Variants in MELK observed in about 807,000 individuals in gnomAD.
The protein encoded by MELK is maternal embryonic leucine zipper kinase, also known as pEg3 kinase.
A neutral mutation model predicts 85.0 loss-of-function variants in MELK; 81 were observed. The ratio of observed to expected loss-of-function variants is 0.95; its 90% CI spans 0.80 to 1.15. The LOEUF is 1.15. Among genes scored for constraint, MELK ranks in the 50% most tolerant of loss-of-function variants. The pLI is 0.00. For missense variants in MELK, 754 were observed against 777.5 expected (o/e 0.97, Z 0.36); for synonymous variants, 252 against 265.0 (o/e 0.95, Z 0.48).
intron 16 of MELK, among the ~76,000 whole-genome samples, chr9:36,673,858 T>G (rs1177918532): frequency 2.0e-5 from 3 of 152,330 alleles, no homozygotes; most frequent in South Asian, 2.1e-4. Context: ...TTAGGGTTTT[T>G]TTGTTGTTGT....
intron 12 of MELK, among the ~76,000 whole-genome samples, chr9:36,652,774 C>T (rs1830840477): frequency 6.7e-6 from 1 of 149,844 alleles, no homozygotes; most frequent in African/African-American, 2.5e-5. Flanking sequence ...CACAGATGAG[C>T]TAAAAGGAAA....
intron 8 of MELK, among the ~76,000 whole-genome samples, chr9:36,628,077 A>G (rs1158408557): frequency 1.4e-5 from 2 of 145,722 alleles, no homozygotes; most frequent in Admixed American, 1.4e-4. Context: ...AATATTTTGT[A>G]TTTAGTAGAG....
intron 15 of MELK, among the ~76,000 whole-genome samples, chr9:36,669,796 T>C (rs1026075133): frequency 1.3e-5 from 2 of 152,240 alleles, no homozygotes; most frequent in Non-Finnish European, 2.9e-5. Flanking sequence ...ATCCTCTGTA[T>C]GAAAAGTTCT....
intron 8 of MELK, among the ~76,000 whole-genome samples, chr9:36,610,148 C>T (rs1183537235): frequency 2.0e-5 from 3 of 152,092 alleles, no homozygotes; most frequent in Non-Finnish European, 2.9e-5. Flanking sequence ...TGTAGCTGGA[C>T]CATTGGATCT....
Position 36,611,492 on chromosome 9 carries a change from A to G in MELK, c.666+3819A>G, listed in dbSNP as rs139441210. 6.6e-4 allele frequency among the ~76,000 whole-genome samples: 101 copies of G among 152,334 alleles called. No homozygotes were observed. In the East Asian group the frequency reaches 0.015, roughly 23 times the overall value. On this transcript the variant is annotated intron_variant, in intron 8 of 17. Coordinates refer to ENST00000298048, the MANE Select transcript of MELK (RefSeq NM_014791.4). ...TAATTCTTCCTAACCATAGTTGCAC[A>G]TTAGAATTGCTTGGGGTGCTTTAAA...
chr9:36,600,404 G>A (rs1824794130), intron 7 of MELK, among the ~76,000 whole-genome samples: 1 of 151,888 alleles, frequency 6.6e-6, no homozygotes, highest in African/African-American at 2.4e-5. Context: ...TTCTTTTGGA[G>A]ATGGAGTCTC....
rs1554728995 is a variant in MELK at position 36,636,782 on chromosome 9, T to TTCTGTCTGTCTG, written c.834+3593_834+3594insGTCTGTCTGTCT. Among the ~76,000 whole-genome samples the TTCTGTCTGTCTG allele has an allele frequency of 6.6e-3, 708 of 107,612 alleles. 9 individuals are homozygous for TTCTGTCTGTCTG. The highest frequency in any genetic ancestry group is 0.014 in the African/African-American group (336 of 24,506). 70.6% of individuals were successfully genotyped at this position (107,612 alleles called of 152,430 possible). The stretch of plus-strand genomic sequence containing the variant: ...TTTCTTTCTTTCTTTCTTTCTTTCT[T>TTCTGTCTGTCTG]TCTGTCTGTCTTTCTTTCTTTCTGT... On this transcript the variant is annotated intron_variant, in intron 10 of 17. Coordinates refer to ENST00000298048, the MANE Select transcript of MELK (RefSeq NM_014791.4).
rs575189770 is a variant in MELK, at chr9:36,618,983, G to C, written c.666+11310G>C. Reference sequence around the variant, plus strand: ...TATTTTTTTTTTTTTTTTTGAGACGGAGTCTTGCTCTGTTGTCCAGGCTGG... The same window carrying C: ...TATTTTTTTTTTTTTTTTTGAGACGCAGTCTTGCTCTGTTGTCCAGGCTGG... On this transcript the variant is annotated intron_variant, in intron 8 of 17. Transcript: ENST00000298048. Among the ~76,000 whole-genome samples, 17 of 149,714 alleles carry C rather than the reference G, an allele frequency of 1.1e-4. No homozygotes were observed. The South Asian group carries it at 3.6e-3, about 32-fold the overall frequency.
At chr9:36,630,130 C>A in intron 8 of MELK, 169 bp from the exon 9 acceptor site, 1 of 622,390 alleles carries the variant, frequency 1.6e-6, no homozygotes, top group Non-Finnish European at 2.8e-6. Flanking sequence ...CAGGTGTGAG[C>A]CACCACGCCC....
chr9:36,577,771 C>A (rs966362767), intron 1 of MELK, among the ~76,000 whole-genome samples: 2 of 152,238 alleles, frequency 1.3e-5, no homozygotes, highest in African/African-American at 4.8e-5. Context: ...CCTGCCTCAG[C>A]CTCCCTAGTA....
At chr9:36,633,301 T>C in intron 10 of MELK, 101 bp downstream of exon 10, 1 of 799,048 alleles carries the variant, frequency 1.3e-6, no homozygotes, top group South Asian at 1.8e-5. Context: ...CAAGAAAATA[T>C]ATTAATCAGA....
At position 36,652,226 on chromosome 9, in the gene MELK, T is replaced by C. The variant is rs946228667; in HGVS notation, c.1053+349T>C. On this transcript the variant is annotated intron_variant, in intron 12 of 17. Transcript: ENST00000298048. Reference sequence around the variant, plus strand: ...CACGCCTGGCCAATTTTTGTATCTTTAGTAGAGACGGGGTTTTGCCATGTT... The same window carrying C: ...CACGCCTGGCCAATTTTTGTATCTTCAGTAGAGACGGGGTTTTGCCATGTT... Among the ~76,000 whole-genome samples, 104 of 150,840 alleles carry C rather than the reference T, an allele frequency of 6.9e-4. 2 individuals carry two copies. The highest frequency in any genetic ancestry group is 2.6e-4 in the Admixed American group (4 of 15,174).
At chr9:36,602,778 C>G (rs1422863645) in intron 7 of MELK, among the ~76,000 whole-genome samples, 1 of 152,080 alleles carries the variant, frequency 6.6e-6, no homozygotes, top group Non-Finnish European at 1.5e-5. Flanking sequence ...AGGCTGGTCT[C>G]TAACTCCCGA....
chr9:36,592,076 T>A (rs1355655621), intron 4 of MELK, among the ~76,000 whole-genome samples: 1 of 152,110 alleles, frequency 6.6e-6, no homozygotes, highest in Non-Finnish European at 1.5e-5. Flanking sequence ...GGTCTTGGAC[T>A]CCTGGCCTTA....
chr9:36,614,864 G>A (rs1030762850), intron 8 of MELK, among the ~76,000 whole-genome samples: 2 of 147,440 alleles, frequency 1.4e-5, no homozygotes, highest in African/African-American at 2.6e-5. Flanking sequence ...GCAACCATCC[G>A]ATTTCTCAAT....
At chr9:36,585,080 A>C (rs985404507) in intron 3 of MELK, among the ~76,000 whole-genome samples, 1 of 151,994 alleles carries the variant, frequency 6.6e-6, no homozygotes, top group African/African-American at 2.4e-5. Context: ...TTTCCAAATC[A>C]GCCTCTTTTT....
Position 36,615,116 on chromosome 9 carries a change from A to T in MELK, c.666+7443A>T, listed in dbSNP as rs1165004392. Among the ~76,000 whole-genome samples the T allele has an allele frequency of 6.8e-3, 761 of 112,384 alleles. 4 individuals carry two copies. Among genetic ancestry groups the T allele is most frequent in the Middle Eastern group, 0.056 (10 of 180 alleles). 73.7% of individuals were successfully genotyped at this position (112,384 alleles called of 152,430 possible). ...CCGGACGGGGCGGCTGGCCGGGCAG[A>T]GGGGCTCCTCACTTCCCAGTAGGGG... On this transcript the variant is annotated intron_variant, in intron 8 of 17. Transcript: ENST00000298048.
chr9:36,634,927 G>A (rs1828979095), intron 10 of MELK, among the ~76,000 whole-genome samples: 1 of 152,088 alleles, frequency 6.6e-6, no homozygotes, highest in Admixed American at 6.6e-5. Context: ...AACCCGGGAG[G>A]AGAGTGAGAC....
At chr9:36,641,254 G>A (rs771017704) in intron 10 of MELK, among the ~76,000 whole-genome samples, 2 of 152,162 alleles carry the variant, frequency 1.3e-5, no homozygotes, top group African/African-American at 2.4e-5. Flanking sequence ...CAGTTTTTGA[G>A]GGCCTACTCT....
Sources: gnomAD v4.1 joint callset for allele counts (sites outside exome capture counted in the v4.1 genomes callset) on GRCh38, gnomAD v4.1.1 for gene constraint, MANE v1.5 for transcripts, NCBI Gene and HGNC (gene_info 2026-07-23, HGNC 2026-07-21) for gene names.